PRKCB: variants seen among roughly 807,000 people sequenced by gnomAD.
PRKCB encodes protein kinase C beta type.
In PRKCB, 13 loss-of-function variants were observed where a neutral mutation model predicts 81.5. That is an observed-to-expected ratio of 0.16 (90% confidence interval 0.10 to 0.25). The LOEUF (loss-of-function observed/expected upper bound fraction) is 0.25, where lower values mean the gene tolerates loss of function less well. PRKCB is among the 10% of genes least tolerant of loss of function. PRKCB has a pLI of 1.00. For synonymous variants in PRKCB, 335 were observed against 321.4 expected (o/e 1.04, Z -0.45); for missense variants, 509 against 875.7 (o/e 0.58, Z 5.29).
At chr16:24,021,752 G>C (rs1327203855) in intron 3 of PRKCB, among the ~76,000 whole-genome samples, 2 of 152,028 alleles carry the variant, frequency 1.3e-5, no homozygotes, top group Non-Finnish European at 2.9e-5. Flanking sequence ...TTACTTCTCT[G>C]AGCCTCAGTT....
chr16:23,855,970 A>G (rs1056518921), intron 2 of PRKCB, among the ~76,000 whole-genome samples: 1 of 152,150 alleles, frequency 6.6e-6, no homozygotes, highest in African/African-American at 2.4e-5. Context: ...AGGGGGCTGC[A>G]TTTGGGGGAA....
At chr16:24,163,923 G>C (rs954599163) in intron 10 of PRKCB, among the ~76,000 whole-genome samples, 7 of 152,190 alleles carry the variant, frequency 4.6e-5, no homozygotes, top group African/African-American at 1.7e-4. Context: ...CAGAACCAGG[G>C]CTCTTAACCA....
intron 2 of PRKCB, among the ~76,000 whole-genome samples, chr16:23,946,890 C>T (rs1964210261): frequency 6.7e-6 from 1 of 148,238 alleles, no homozygotes; most frequent in Non-Finnish European, 1.5e-5. Flanking sequence ...GGGTCTTGTG[C>T]CGTCATCCAG....
In PRKCB at chr16:23,866,638, C is replaced by T. The variant is rs571432976; in HGVS notation, c.205+29232C>T. On this transcript the variant is annotated intron_variant, in intron 2 of 16. Transcript: ENST00000643927. ...GTTGTGTCTATTACAAACAGCATGG[C>T]AATGAGCATCTTTCTACACATCTCA... Among the ~76,000 whole-genome samples the T allele has an allele frequency of 2.6e-5, 4 of 152,268 alleles. No individual in the cohort carries two copies. The South Asian group carries it at 6.2e-4, about 24-fold the overall frequency.
chr16:24,033,280 G>T (rs756804906), intron 4 of PRKCB, among the ~76,000 whole-genome samples: 1 of 152,206 alleles, frequency 6.6e-6, no homozygotes, highest in Non-Finnish European at 1.5e-5. Context: ...AGAGAGGACT[G>T]TGAGGGTGAA....
At chr16:23,985,334 T>G (rs1463850672) in intron 2 of PRKCB, among the ~76,000 whole-genome samples, 1 of 152,154 alleles carries the variant, frequency 6.6e-6, no homozygotes, top group Non-Finnish European at 1.5e-5. Flanking sequence ...TGGCCTCAAG[T>G]GATCTGCCTG....
intron 5 of PRKCB, among the ~76,000 whole-genome samples, chr16:24,071,578 A>G (rs1966108830): frequency 6.6e-6 from 1 of 151,998 alleles, no homozygotes; most frequent in Non-Finnish European, 1.5e-5. Context: ...CAACAGGGCC[A>G]GTGGTTCTAC....
chr16:24,216,682 C>T lies in PRKCB; in HGVS notation c.*1866C>T. On this transcript the variant is annotated 3_prime_UTR_variant, in exon 17 of 17. Coordinates refer to ENST00000643927, the MANE Select transcript of PRKCB (RefSeq NM_002738.7). ...TCTTGCTTCAGGCTTGGGGACCGTC[C>T]CTGCTGTCCCCACTGTGGTGGCAAT... The T allele has an allele frequency of 2.0e-6, 2 of 985,438 alleles. No homozygotes were observed. The highest frequency in any genetic ancestry group is 2.4e-6 in the Non-Finnish European group (2 of 829,948). The allele number at this position is 985,438 out of a possible 1,614,324, so 61.0% of individuals were successfully genotyped here. A position where few individuals can be genotyped will look rare whatever the true frequency, so the allele number is the denominator to read the frequency against.
At chr16:23,967,310 C>T (rs1342765111) in intron 2 of PRKCB, among the ~76,000 whole-genome samples, 1 of 152,154 alleles carries the variant, frequency 6.6e-6, no homozygotes, top group Non-Finnish European at 1.5e-5. Context: ...TTCCCAGCCC[C>T]CTGACAGCAG....
At chr16:23,992,733 T>C (rs1184325646) in intron 3 of PRKCB, among the ~76,000 whole-genome samples, 3 of 152,180 alleles carry the variant, frequency 2.0e-5, no homozygotes, top group African/African-American at 7.2e-5. Flanking sequence ...CATCCTGCAA[T>C]TGGCTGAATT....
intron 16 of PRKCB, among the ~76,000 whole-genome samples, chr16:24,195,399 G>A (rs1967863930): frequency 6.6e-6 from 1 of 152,072 alleles, no homozygotes; most frequent in Non-Finnish European, 1.5e-5. Flanking sequence ...TGTGCCTTGT[G>A]GGATGTGAAA....
At chr16:23,928,953 G>A (rs1329756325) in intron 2 of PRKCB, among the ~76,000 whole-genome samples, 2 of 151,858 alleles carry the variant, frequency 1.3e-5, no homozygotes, top group African/African-American at 2.4e-5. Flanking sequence ...TCCTGACCTC[G>A]TGATCCGCCC....
intron 2 of PRKCB, among the ~76,000 whole-genome samples, chr16:23,941,964 T>C (rs1964145268): frequency 6.6e-6 from 1 of 152,206 alleles, no homozygotes; most frequent in Non-Finnish European, 1.5e-5. Context: ...ATTAACACTA[T>C]TCACAGGTTA....
chr16:24,139,197 GA>G (rs60619424), intron 9 of PRKCB, among the ~76,000 whole-genome samples: 44 of 152,108 alleles, frequency 2.9e-4, no homozygotes, highest in African/African-American at 1.1e-3. Flanking sequence ...TTAGGATAAG[GA>G]TAAGGTGCTC....
intron 3 of PRKCB, among the ~76,000 whole-genome samples, chr16:24,007,146 A>C (rs532850797): frequency 2.0e-5 from 3 of 152,232 alleles, no homozygotes; most frequent in Admixed American, 1.3e-4. Context: ...TCCCTGCTTC[A>C]GTTTCCTCAT....
chr16:24,132,390 A>G (rs1242457249), intron 9 of PRKCB, among the ~76,000 whole-genome samples: 1 of 152,238 alleles, frequency 6.6e-6, no homozygotes. Context: ...ATAACTAAGG[A>G]TTCATTCATT....
intron 2 of PRKCB, among the ~76,000 whole-genome samples, chr16:23,873,184 ACAC>A (rs1217417236): frequency 0.02 from 1,921 of 93,764 alleles, 16 homozygotes; most frequent in African/African-American, 0.079. Context: ...ACACACACAC[ACAC>A]ACAAAAAAAA....
At chr16:24,169,405 C>T (rs906080058) in intron 10 of PRKCB, among the ~76,000 whole-genome samples, 3 of 152,060 alleles carry the variant, frequency 2.0e-5, no homozygotes, top group Non-Finnish European at 4.4e-5. Context: ...AGTGAGACCC[C>T]GAACCTTTGT....
intron 7 of PRKCB, among the ~76,000 whole-genome samples, chr16:24,112,741 T>C (rs954466188): frequency 3.3e-5 from 5 of 152,082 alleles, no homozygotes; most frequent in African/African-American, 7.2e-5. Context: ...TGATATACAT[T>C]TTTTTTCTGC....
Sources: gnomAD v4.1 joint callset for allele counts (sites outside exome capture counted in the v4.1 genomes callset) on GRCh38, gnomAD v4.1.1 for gene constraint, MANE v1.5 for transcripts, NCBI Gene and HGNC (gene_info 2026-07-23, HGNC 2026-07-21) for gene names.